NOTCH2: variants seen among roughly 807,000 people sequenced by gnomAD.
NOTCH2 encodes neurogenic locus notch homolog protein 2.
Under a neutral mutation model 235.8 loss-of-function variants are expected in NOTCH2, and 29 were observed. That is an observed-to-expected ratio of 0.12 (90% CI 0.09 to 0.17). The LOEUF is 0.17. NOTCH2 is among the 10% of genes least tolerant of loss of function. The probability of loss-of-function intolerance (pLI) is 1.00; values close to 1 mark genes in which losing one functional copy is unlikely to be tolerated. For missense variants in NOTCH2, 2,285 were observed against 3,150.2 expected (o/e 0.73, Z 6.57); for synonymous variants, 1,086 against 1,141.5 (o/e 0.95, Z 0.98).
At chr1:119,983,929 AT>A (rs1432933667) in intron 5 of NOTCH2, among the ~76,000 whole-genome samples, 1 of 152,170 alleles carries the variant, frequency 6.6e-6, no homozygotes, top group African/African-American at 2.4e-5. Flanking sequence ...TCTTTTTCAA[AT>A]AGCTGGCAAC....
intron 10 of NOTCH2, among the ~76,000 whole-genome samples, chr1:119,964,508 T>C (rs1651064204): frequency 6.6e-6 from 1 of 152,192 alleles, no homozygotes. Flanking sequence ...AGACAAAATC[T>C]GGATTCTCTG....
In NOTCH2 at chr1:119,978,162, T is replaced by C. The variant is rs977124399; in HGVS notation, c.875-8418A>G. Among the ~76,000 whole-genome samples the C allele has an allele frequency of 2.6e-5, 4 of 151,850 alleles. No individual in the cohort carries two copies. In the South Asian group the frequency reaches 8.3e-4, roughly 32 times the overall value. On this transcript the variant is annotated intron_variant, in intron 5 of 33. Transcript: ENST00000256646. Reference sequence around the variant, plus strand: ...GAGGGGAGAAGTGTGTGAGGGAGTGTGTAGAGAAAGGGTGGAGTGCGGAGT... The same window carrying C: ...GAGGGGAGAAGTGTGTGAGGGAGTGCGTAGAGAAAGGGTGGAGTGCGGAGT...
chr1:119,969,613 T>C lies in NOTCH2; in HGVS notation c.1006A>G (p.Ser336Gly), dbSNP rs782081694. Reference protein sequence around the residue: ...CVNGWSGDDCSENIDDCAFAS... With the variant: ...CVNGWSGDDCGENIDDCAFAS... ...AAGGCACAATCATCAATGTTCTCAC[T>C]GCAGTCATCTCCACTCCAGCCGTTG... Residue 336 changes from serine (S) to glycine (G), a missense_variant, in exon 6 of 34, where the codon AGT becomes GGT. Physicochemically the swap from Ser to Gly is moderately conservative, Grantham distance 56. Coordinates refer to ENST00000256646, the MANE Select transcript of NOTCH2 (RefSeq NM_024408.4). 2 of 1,614,110 alleles carry C rather than the reference T, an allele frequency of 1.2e-6. No homozygotes were observed. Among genetic ancestry groups the C allele is most frequent in the Admixed American group, 1.7e-5 (1 of 60,022 alleles).
chr1:119,918,611 C>T (rs1052324467), intron 31 of NOTCH2, 58 bp from the exon 32 acceptor site: 75 of 1,579,590 alleles, frequency 4.7e-5, no homozygotes, highest in Non-Finnish European at 6.2e-5. Flanking sequence ...AATAATGAAA[C>T]TCAGTGAAGA....
intron 1 of NOTCH2, among the ~76,000 whole-genome samples, chr1:120,065,942 G>C (rs587652761): frequency 1.2e-4 from 18 of 151,576 alleles, no homozygotes; most frequent in Non-Finnish European, 1.3e-4. Context: ...ACGCCTTGCA[G>C]TTTTTTACTC....
intron 2 of NOTCH2, among the ~76,000 whole-genome samples, chr1:120,024,646 TATA>T (rs56654474): frequency 0.052 from 7,743 of 148,720 alleles, 72 homozygotes; most frequent in South Asian, 0.15. Flanking sequence ...ACTTTATATT[TATA>T]ATAATTTACC....
intron 1 of NOTCH2, among the ~76,000 whole-genome samples, chr1:120,051,253 A>ACC (rs1467222937): frequency 9.7e-6 from 1 of 103,138 alleles, no homozygotes; most frequent in African/African-American, 7.9e-5. Flanking sequence ...ACACACACAC[A>ACC]CACACACACA....
intron 5 of NOTCH2, among the ~76,000 whole-genome samples, chr1:119,979,060 G>A (rs781977490): frequency 2.0e-4 from 30 of 152,282 alleles, no homozygotes; most frequent in East Asian, 3.9e-4. Context: ...ACATGTTTAC[G>A]TTCTACAAAG....
At chr1:119,976,738 C>T (rs1651594529) in intron 5 of NOTCH2, among the ~76,000 whole-genome samples, 1 of 152,088 alleles carries the variant, frequency 6.6e-6, no homozygotes, top group African/African-American at 2.4e-5. Context: ...TCTCTTTAGG[C>T]TCTAACCATG....
At chr1:120,002,540 A>G (rs78173701) in intron 3 of NOTCH2, among the ~76,000 whole-genome samples, 1 of 148,708 alleles carries the variant, frequency 6.7e-6, no homozygotes, top group Non-Finnish European at 1.5e-5. Flanking sequence ...AAAAAAAAAA[A>G]CATAACCTGC....
intron 25 of NOTCH2, among the ~76,000 whole-genome samples, chr1:119,925,102 G>C (rs1306405190): frequency 6.6e-6 from 1 of 152,208 alleles, no homozygotes; most frequent in Non-Finnish European, 1.5e-5. Context: ...TAGGCAGAGA[G>C]AGAGGGTCAT....
intron 5 of NOTCH2, among the ~76,000 whole-genome samples, chr1:119,977,669 T>G (rs373327568): frequency 6.6e-6 from 1 of 152,202 alleles, no homozygotes; most frequent in Non-Finnish European, 1.5e-5. Context: ...GTGCTTTACA[T>G]TGATTGTCAA....
At chr1:119,943,209 C>T (rs587736220) in intron 17 of NOTCH2, among the ~76,000 whole-genome samples, 1 of 152,266 alleles carries the variant, frequency 6.6e-6, no homozygotes, top group African/African-American at 2.4e-5. Context: ...ATATGATAAT[C>T]TGAAGTTATA....
At position 120,005,067 on chromosome 1, in the gene NOTCH2, C is replaced by T. The variant is rs1347446952; in HGVS notation, c.415+262G>A. ...CCTGCCAAAGTGCTGGGATTGCAAG[C>T]GTGCACCACCGCACCTGGCCCTGAC... On this transcript the variant is annotated intron_variant, in intron 3 of 33. Transcript: ENST00000256646. 5.3e-5 allele frequency among the ~76,000 whole-genome samples: 8 copies of T among 152,208 alleles called. No homozygotes were observed. The East Asian group carries it at 5.8e-4, about 11-fold the overall frequency.
In NOTCH2 at chr1:120,069,453, G is replaced by A. The variant is rs782574574; in HGVS notation, c.-47C>T. The A allele has an allele frequency of 8.5e-6, 13 of 1,521,016 alleles. No homozygotes were observed. Among genetic ancestry groups the A allele is most frequent in the South Asian group, 7.2e-5 (6 of 83,412 alleles). 94.2% of individuals were successfully genotyped at this position (1,521,016 alleles called of 1,614,324 possible). On this transcript the variant is annotated 5_prime_UTR_variant, in exon 1 of 34. Coordinates refer to ENST00000256646, the MANE Select transcript of NOTCH2 (RefSeq NM_024408.4). ...CGCCGCCGCCGCCGCCGCCTGGGCA[G>A]ATCCACATGGGGAGGGGGTCCCGAT...
intron 17 of NOTCH2, among the ~76,000 whole-genome samples, chr1:119,945,643 T>G (rs1650226806): frequency 6.6e-6 from 1 of 152,078 alleles, no homozygotes; most frequent in African/African-American, 2.4e-5. Flanking sequence ...AAATGATAAA[T>G]GGGTCAATTC....
intron 13 of NOTCH2, 41 bp downstream of exon 13, chr1:119,954,999 C>A: frequency 6.2e-7 from 1 of 1,606,838 alleles, no homozygotes; most frequent in Non-Finnish European, 8.5e-7. Context: ...ACTGGCTTAA[C>A]ACAGGTCAAT....
chr1:119,919,410 G>C lies in NOTCH2; in HGVS notation c.5683C>G (p.Arg1895Gly), dbSNP rs753822819. The C allele has an allele frequency of 6.2e-7, 1 of 1,613,804 alleles. No individual in the cohort carries two copies. The highest frequency in any genetic ancestry group is 8.5e-7 in the Non-Finnish European group (1 of 1,180,042). Residue 1895 changes from arginine (R) to glycine (G), a missense_variant, in exon 31 of 34, where the codon CGT becomes GGT. By Grantham distance (125) the Arg-to-Gly change is moderately radical. Around this residue, in one of 6 missense-constraint regions of NOTCH2, gnomAD observed 128 missense variants for 255.9 expected, o/e 0.50. Transcript: ENST00000256646. The stretch of plus-strand genomic sequence containing the variant: ...GCATCTGCACCTGCATCCAGGAGAC[G>C]CTTGGCAGCATCAGCCCGTGAGTAG... Reference protein sequence around the residue: ...ARYSRADAAKRLLDAGADANA... With the variant: ...ARYSRADAAKGLLDAGADANA...
chr1:119,940,516 C>T (rs1273975786), intron 19 of NOTCH2, 39 bp downstream of exon 19: 8 of 1,574,048 alleles, frequency 5.1e-6, no homozygotes, highest in Non-Finnish European at 7.0e-6. Context: ...TATTCAGCTG[C>T]TCTAGGGGAG....
Sources: gnomAD v4.1 joint callset for allele counts (sites outside exome capture counted in the v4.1 genomes callset) on GRCh38, gnomAD v4.1.1 for gene constraint, gnomAD v4.1.1 regional missense constraint, MANE v1.5 for transcripts, NCBI Gene and HGNC (gene_info 2026-07-23, HGNC 2026-07-21) for gene names.